The following PTPRD variants were observed in gnomAD, a reference collection of about 807,000 sequenced individuals.
The protein encoded by PTPRD is protein tyrosine phosphatase receptor type D.
A neutral mutation model predicts 214.5 loss-of-function variants in PTPRD; 34 were observed. That is an observed-to-expected ratio of 0.16 (90% confidence interval 0.12 to 0.21). PTPRD has a LOEUF of 0.21. PTPRD is among the 10% of genes least tolerant of loss of function. The pLI is 1.00. For missense variants in PTPRD, 2,545 were observed against 2,398.7 expected, an observed-to-expected ratio of 1.06 and a Z score of -1.27; for synonymous variants, 1,128 against 845.7, an observed-to-expected ratio of 1.33 and a Z score of -5.79.
At position 10,449,169 on chromosome 9, in the gene PTPRD, GC is replaced by G. The variant is rs200260268; in HGVS notation, c.-599-108153del. On this transcript the variant is annotated intron_variant, in intron 2 of 45. Coordinates refer to ENST00000381196, the MANE Select transcript of PTPRD (RefSeq NM_002839.4). ...ATTCTCCTGCCTCAGCCTGCCAAGT[GC>G]CTGGGATTGCGGGCGGGTGCCGCCA... Among the ~76,000 whole-genome samples the G allele has an allele frequency of 6.6e-3, 1,007 of 152,088 alleles. 35 individuals are homozygous for G. The highest frequency in any genetic ancestry group is 0.023 in the African/African-American group (954 of 41,374).
At chr9:8,854,033 A>G (rs1317586788) in intron 11 of PTPRD, among the ~76,000 whole-genome samples, 1 of 152,218 alleles carries the variant, frequency 6.6e-6, no homozygotes, top group Non-Finnish European at 1.5e-5. Context: ...CTGGATAATT[A>G]TATCTATATT....
At chr9:10,545,785 A>G (rs1223955393) in intron 2 of PTPRD, among the ~76,000 whole-genome samples, 1 of 152,120 alleles carries the variant, frequency 6.6e-6, no homozygotes, top group Non-Finnish European at 1.5e-5. Flanking sequence ...TAGACAATAG[A>G]ATTCTTGGCA....
At chr9:10,030,582 GA>G (rs1369649425) in intron 4 of PTPRD, among the ~76,000 whole-genome samples, 1 of 152,142 alleles carries the variant, frequency 6.6e-6, no homozygotes, top group African/African-American at 2.4e-5. Context: ...TAACTCCTAG[GA>G]GGGATACCTG....
At chr9:8,644,017 C>G (rs2096634442) in intron 12 of PTPRD, among the ~76,000 whole-genome samples, 1 of 152,184 alleles carries the variant, frequency 6.6e-6, no homozygotes, top group African/African-American at 2.4e-5. Context: ...TGTCCATGGA[C>G]CAGCTGGCAT....
chr9:8,859,176 G>A (rs543598989), intron 11 of PTPRD, among the ~76,000 whole-genome samples: 6 of 152,326 alleles, frequency 3.9e-5, no homozygotes, highest in South Asian at 2.1e-4. Context: ...AAATCTTAGT[G>A]TGATAACTTG....
intron 3 of PTPRD, among the ~76,000 whole-genome samples, chr9:10,091,568 C>T (rs2098431351): frequency 6.6e-6 from 1 of 151,432 alleles, no homozygotes. Flanking sequence ...TAAGTCTAAA[C>T]ATTTTCAAGT....
chr9:9,065,426 T>G (rs114791682), intron 10 of PTPRD, among the ~76,000 whole-genome samples: 414 of 152,228 alleles, frequency 2.7e-3, no homozygotes, highest in African/African-American at 9.7e-3. Context: ...CTAGCATGTG[T>G]GAGGAACACC....
In PTPRD at chr9:10,582,791, C is replaced by G. The variant is rs1431936231; in HGVS notation, c.-600+29607G>C. ...ACTACACACACCATTGAGATAAATA[C>G]TGTGCAGAAGTAATTCAGGGTACTG... On this transcript the variant is annotated intron_variant, in intron 2 of 45. Transcript: ENST00000381196. 2.0e-5 allele frequency among the ~76,000 whole-genome samples: 3 copies of G among 152,148 alleles called. No individual in the cohort carries two copies. In the East Asian group the frequency reaches 5.8e-4, roughly 29 times the overall value.
Position 9,314,945 on chromosome 9 carries a change from A to G in PTPRD, c.-203+82504T>C, listed in dbSNP as rs373207246. Among the ~76,000 whole-genome samples the G allele has an allele frequency of 2.6e-5, 4 of 151,998 alleles. No individual in the cohort carries two copies. In the East Asian group the frequency reaches 7.7e-4, roughly 29 times the overall value. On this transcript the variant is annotated intron_variant, in intron 9 of 45. Coordinates refer to ENST00000381196, the MANE Select transcript of PTPRD (RefSeq NM_002839.4). ...TTTATTACAGTAATTTACTTTGTCAATCTCAGCATCCTGATCTTGCCTTTC... is the reference window on the plus strand; with the variant it reads ...TTTATTACAGTAATTTACTTTGTCAGTCTCAGCATCCTGATCTTGCCTTTC...
At position 9,599,699 on chromosome 9, in the gene PTPRD, A is replaced by C. The variant is rs373533418; in HGVS notation, c.-286-24918T>G. 1.2e-4 allele frequency among the ~76,000 whole-genome samples: 18 copies of C among 152,136 alleles called. No individual in the cohort carries two copies. The South Asian group carries it at 3.3e-3, about 28-fold the overall frequency. On this transcript the variant is annotated intron_variant, in intron 7 of 45. Coordinates refer to ENST00000381196, the MANE Select transcript of PTPRD (RefSeq NM_002839.4). ...TCTTAATTCATATTTCTAAAATTCT[A>C]ATTGCTATAATCAGTATTTCTAGAA... is the stretch of plus-strand genomic sequence containing the variant.
intron 11 of PTPRD, among the ~76,000 whole-genome samples, chr9:8,946,450 T>C (rs1298350843): frequency 6.6e-6 from 1 of 152,040 alleles, no homozygotes; most frequent in African/African-American, 2.4e-5. Context: ...ATGGGAGTAA[T>C]ACGAGGTTAA....
intron 11 of PTPRD, among the ~76,000 whole-genome samples, chr9:8,792,845 T>C (rs1367784533): frequency 1.3e-5 from 2 of 152,182 alleles, no homozygotes; most frequent in African/African-American, 4.8e-5. Context: ...CCCTCTTTTT[T>C]CTTTCCTTTT....
chr9:9,980,648 C>T (rs1480135272), intron 4 of PTPRD, among the ~76,000 whole-genome samples: 2 of 115,466 alleles, frequency 1.7e-5, no homozygotes, highest in African/African-American at 3.2e-5. Flanking sequence ...AAAAAAAAAC[C>T]CTTTATGGAT....
intron 14 of PTPRD, among the ~76,000 whole-genome samples, chr9:8,543,097 A>C (rs1279209313): frequency 1.3e-5 from 2 of 152,222 alleles, no homozygotes; most frequent in Non-Finnish European, 2.9e-5. Context: ...CGGCTGTCAC[A>C]TTTTAATATA....
chr9:9,969,238 G>C (rs1340352360), intron 4 of PTPRD, among the ~76,000 whole-genome samples: 2 of 152,122 alleles, frequency 1.3e-5, no homozygotes, highest in African/African-American at 4.8e-5. Context: ...AAAAAGGCTA[G>C]GGTGGCTGCA....
intron 10 of PTPRD, among the ~76,000 whole-genome samples, chr9:9,165,656 C>T (rs985657908): frequency 6.6e-6 from 1 of 152,076 alleles, no homozygotes; most frequent in African/African-American, 2.4e-5. Flanking sequence ...TCAACTATGA[C>T]TCTGTACATA....
intron 10 of PTPRD, among the ~76,000 whole-genome samples, chr9:9,031,840 G>A (rs770325396): frequency 1.1e-4 from 17 of 151,970 alleles, no homozygotes; most frequent in African/African-American, 3.4e-4. Flanking sequence ...CTTCCTGGAC[G>A]TGCTGGCATT....
At chr9:9,867,507 T>G (rs2064279204) in intron 5 of PTPRD, among the ~76,000 whole-genome samples, 1 of 152,102 alleles carries the variant, frequency 6.6e-6, no homozygotes, top group Non-Finnish European at 1.5e-5. Flanking sequence ...CTATAAATAA[T>G]ATTAATAAAG....
chr9:9,915,015 C>T (rs1193577527), intron 5 of PTPRD, among the ~76,000 whole-genome samples: 2 of 152,120 alleles, frequency 1.3e-5, no homozygotes, highest in African/African-American at 2.4e-5. Flanking sequence ...ACACATATGC[C>T]CCTGACCTGA....
Sources: gnomAD v4.1 joint callset for allele counts (sites outside exome capture counted in the v4.1 genomes callset) on GRCh38, gnomAD v4.1.1 for gene constraint, MANE v1.5 for transcripts, NCBI Gene and HGNC (gene_info 2026-07-23, HGNC 2026-07-21) for gene names.